The following AFF1 variants were observed in gnomAD, a reference collection of about 807,000 sequenced individuals.
AFF1 encodes the protein ALF transcription elongation factor 1.
In AFF1, 48 loss-of-function variants were observed where a neutral mutation model predicts 121.7. That is an observed-to-expected ratio of 0.39 (90% CI 0.31 to 0.50). The LOEUF is 0.50. Among genes scored for constraint, AFF1 ranks in the 20% least tolerant of loss-of-function variants. The probability of loss-of-function intolerance (pLI) is 0.76; values close to 1 mark genes in which losing one functional copy is unlikely to be tolerated. For synonymous variants in AFF1, 613 were observed against 563.0 expected (o/e 1.09, Z -1.26); for missense variants, 1,523 against 1,511.7 (o/e 1.01, Z -0.12).
intron 4 of AFF1, among the ~76,000 whole-genome samples, chr4:87,079,954 TTGA>T (rs779599192): frequency 5.3e-5 from 8 of 152,158 alleles, no homozygotes; most frequent in Non-Finnish European, 1.0e-4. Context: ...CGTCGTACAA[TTGA>T]TGGTACCAAA....
chr4:87,134,806 GTTTTAC>G, intron 20 of AFF1, 112 bp downstream of exon 20: 2 of 946,378 alleles, frequency 2.1e-6, no homozygotes, highest in Non-Finnish European at 3.1e-6. Context: ...ATGTGTAGCT[GTTTTAC>G]TTTAATTATA....
chr4:86,971,682 TC>T (rs1313450977), intron 2 of AFF1, among the ~76,000 whole-genome samples: 1 of 152,168 alleles, frequency 6.6e-6, no homozygotes, highest in Non-Finnish European at 1.5e-5. Context: ...CAATACTCTA[TC>T]TTTAAGGAGC....
chr4:87,088,775 G>GTACT (rs113556415), intron 5 of AFF1, among the ~76,000 whole-genome samples: 13 of 150,478 alleles, frequency 8.6e-5, no homozygotes, highest in Admixed American at 4.0e-4. Context: ...TTGTATTTTT[G>GTACT]TATTTATTTA....
intron 2 of AFF1, among the ~76,000 whole-genome samples, chr4:86,961,453 G>A (rs570392546): frequency 3.3e-5 from 5 of 152,006 alleles, no homozygotes; most frequent in African/African-American, 1.2e-4. Flanking sequence ...CTTCTTTTTT[G>A]ACATGAATGA....
chr4:87,084,254 A>G (rs1723461974), intron 5 of AFF1, 90 bp downstream of exon 5: 2 of 1,418,690 alleles, frequency 1.4e-6, no homozygotes, highest in South Asian at 2.3e-5. Flanking sequence ...AACAGTTGCC[A>G]TTGGCTGGGT....
At chr4:86,958,014 C>T (rs977095252) in intron 2 of AFF1, among the ~76,000 whole-genome samples, 5 of 151,950 alleles carry the variant, frequency 3.3e-5, no homozygotes, top group African/African-American at 7.3e-5. Context: ...AATACATACC[C>T]GTCTCACACC....
rs1729266627 is a variant in AFF1 at position 87,135,957 on chromosome 4, A to AT, written c.*259dup. The AT allele has an allele frequency of 2.3e-6, 1 of 436,592 alleles. No homozygotes were observed. The highest frequency in any genetic ancestry group is 3.8e-6 in the Non-Finnish European group (1 of 259,950). 27.0% of individuals were successfully genotyped at this position (436,592 alleles called of 1,614,324 possible). A position where few individuals can be genotyped will look rare whatever the true frequency, so the allele number is the denominator to read the frequency against. On this transcript the variant is annotated 3_prime_UTR_variant, in exon 21 of 21. Coordinates refer to ENST00000395146, the MANE Select transcript of AFF1 (RefSeq NM_001166693.3). ...TTCCTAACTAAAGGACAGAAGTGCA[A>AT]TTTAGCTTAAATGGGTGTATGAATG...
intron 2 of AFF1, chr4:87,020,773 A>G (rs1560545306): frequency 1.0e-6 from 1 of 984,920 alleles, no homozygotes; most frequent in East Asian, 1.1e-4. Flanking sequence ...CGGGATTACC[A>G]TGCCCAGTAA....
intron 4 of AFF1, among the ~76,000 whole-genome samples, chr4:87,057,663 C>G (rs552859568): frequency 2.6e-5 from 4 of 152,000 alleles, no homozygotes; most frequent in African/African-American, 9.7e-5. Flanking sequence ...GAAGACTGAT[C>G]GTATTGTTTA....
rs68156863 is a variant in AFF1 at position 87,012,217 on chromosome 4, C to CTTTTTTTTTTTTTTTTTTTTTTT, written c.39-33947_39-33946insTTTTTTTTTTTTTTTTTTTTTTT. On this transcript the variant is annotated intron_variant, in intron 2 of 20. Coordinates refer to ENST00000395146, the MANE Select transcript of AFF1 (RefSeq NM_001166693.3). ...GTTAGCAAACTTCTCCATTTCATTT[C>CTTTTTTTTTTTTTTTTTTTTTTT]TTGTTTTTTTTTTTTTTTGTATAAC... Among the ~76,000 whole-genome samples, 10 of 115,098 alleles carry CTTTTTTTTTTTTTTTTTTTTTTT rather than the reference C, an allele frequency of 8.7e-5. 3 individuals are homozygous for CTTTTTTTTTTTTTTTTTTTTTTT. The highest frequency in any genetic ancestry group is 9.7e-5 in the Admixed American group (1 of 10,344). 75.5% of individuals were successfully genotyped at this position (115,098 alleles called of 152,430 possible).
At chr4:86,991,430 G>A (rs7676669) in intron 2 of AFF1, among the ~76,000 whole-genome samples, 4,778 of 143,830 alleles carry the variant, frequency 0.033, 240 homozygotes, top group African/African-American at 0.11. Context: ...GGGCGACAGA[G>A]TGAGACTCCA....
chr4:86,958,850 TG>T (rs1417295436), intron 2 of AFF1, among the ~76,000 whole-genome samples: 2 of 152,242 alleles, frequency 1.3e-5, no homozygotes, highest in Non-Finnish European at 2.9e-5. Flanking sequence ...TATTTACTTG[TG>T]GGGTGGGAGC....
intron 2 of AFF1, among the ~76,000 whole-genome samples, chr4:87,024,890 A>G (rs340645): frequency 0.94 from 142,431 of 152,318 alleles, 66,963 homozygotes; most frequent in Non-Finnish European, 0.98. Context: ...CACTGCGCCC[A>G]GCCCCGATCC....
intron 2 of AFF1, among the ~76,000 whole-genome samples, chr4:86,953,388 C>G (rs1025016945): frequency 6.6e-6 from 1 of 152,184 alleles, no homozygotes; most frequent in African/African-American, 2.4e-5. Context: ...GCAAAGGAAA[C>G]AGATGTGTAT....
At position 87,105,625 on chromosome 4, in the gene AFF1, C is replaced by T. The variant is rs2149745752; in HGVS notation, c.1284-3C>T. 5.0e-6 allele frequency: 8 copies of T among 1,614,158 alleles called. No individual in the cohort carries two copies. The East Asian group carries it at 8.9e-5, about 18-fold the overall frequency. ...TTCTTCTCTGTGTCCCTGCCCATTC[C>T]AGCATGCTCGAAGACGACCTTCAGC... On this transcript the variant is annotated splice_region_variant and splice_polypyrimidine_tract_variant and intron_variant, in intron 8 of 20. Coordinates refer to ENST00000395146, the MANE Select transcript of AFF1 (RefSeq NM_001166693.3).
In AFF1 at chr4:87,065,085, TGTG is replaced by T. The variant is rs1721201044; in HGVS notation, c.1059+17495_1059+17497del. On this transcript the variant is annotated intron_variant, in intron 4 of 20. Coordinates refer to ENST00000395146, the MANE Select transcript of AFF1 (RefSeq NM_001166693.3). The stretch of plus-strand genomic sequence containing the variant: ...CCAACCTTTATTTTATGTGTCTTAA[TGTG>T]GTGCATTAGTCTGCTTTCACACTGC... Among the ~76,000 whole-genome samples, 3 of 152,230 alleles carry T rather than the reference TGTG, an allele frequency of 2.0e-5. No individual in the cohort carries two copies. In the South Asian group the frequency reaches 6.2e-4, roughly 32 times the overall value.
At chr4:86,993,897 G>A (rs970737721) in intron 2 of AFF1, among the ~76,000 whole-genome samples, 1 of 152,214 alleles carries the variant, frequency 6.6e-6, no homozygotes, top group African/African-American at 2.4e-5. Context: ...CCAGGAGGTG[G>A]AGGTTTGCAG....
At chr4:86,980,947 ACC>A (rs57473395) in intron 2 of AFF1, among the ~76,000 whole-genome samples, 41 of 102,400 alleles carry the variant, frequency 4.0e-4, no homozygotes, top group Middle Eastern at 4.4e-3. Context: ...GGCTTGAGGC[ACC>A]CCCCCCCTCC....
intron 2 of AFF1, among the ~76,000 whole-genome samples, chr4:86,983,231 A>G (rs983522594): frequency 2.0e-5 from 3 of 152,098 alleles, no homozygotes; most frequent in African/African-American, 7.2e-5. Flanking sequence ...TCTCTACTAA[A>G]AATACTAAAA....
Sources: gnomAD v4.1 joint callset for allele counts (sites outside exome capture counted in the v4.1 genomes callset) on GRCh38, gnomAD v4.1.1 for gene constraint, MANE v1.5 for transcripts, NCBI Gene and HGNC (gene_info 2026-07-23, HGNC 2026-07-21) for gene names.